TENM2: variants seen among roughly 807,000 people sequenced by gnomAD.
TENM2 encodes teneurin-2.
In TENM2, 52 loss-of-function variants were observed where a neutral mutation model predicts 245.2. The ratio of observed to expected loss-of-function variants is 0.21; its 90% CI spans 0.17 to 0.27. The LOEUF (loss-of-function observed/expected upper bound fraction) is 0.27. TENM2 is among the 10% of genes least tolerant of loss of function. The pLI, the probability that TENM2 is intolerant of heterozygous loss-of-function variation, is 1.00. For synonymous variants in TENM2, 1,363 were observed against 1,438.9 expected (o/e 0.95, Z 1.19); for missense variants, 3,046 against 3,666.8 (o/e 0.83, Z 4.37).
At chr5:167,417,871 G>C (rs925117080) in intron 2 of TENM2, among the ~76,000 whole-genome samples, 1 of 152,110 alleles carries the variant, frequency 6.6e-6, no homozygotes, top group African/African-American at 2.4e-5. Flanking sequence ...TCATCTTTTT[G>C]ATAATTTGTG....
chr5:167,657,869 G>A (rs1013374050), intron 2 of TENM2, among the ~76,000 whole-genome samples: 2 of 152,186 alleles, frequency 1.3e-5, no homozygotes, highest in African/African-American at 2.4e-5. Flanking sequence ...ATCTAGCAGA[G>A]CATGGAGCCA....
the TENM2 span, among the ~76,000 whole-genome samples, chr5:167,080,592 G>A: frequency 1.3e-5 from 2 of 152,088 alleles, no homozygotes; most frequent in Admixed American, 1.3e-4. Flanking sequence ...ATTCTCGTGG[G>A]AAGCCTTTCC....
At chr5:167,967,232 CTGGTTAGG>C (rs1443196286) in intron 4 of TENM2, 2 of 151,934 alleles carry the variant, frequency 1.3e-5, no homozygotes, top group African/African-American at 2.4e-5. Flanking sequence ...AGAGAAAAAG[CTGGTTAGG>C]AGGGGCACCT....
chr5:168,099,464 A>G (rs1265741793), intron 9 of TENM2, among the ~76,000 whole-genome samples: 4 of 152,220 alleles, frequency 2.6e-5, no homozygotes, highest in Non-Finnish European at 5.9e-5. Context: ...ATAGTGTAAG[A>G]TAACACACAC....
chr5:167,351,039 GATAT>G (rs554410960), intron 1 of TENM2, among the ~76,000 whole-genome samples: 1 of 26,310 alleles, frequency 3.8e-5, no homozygotes, highest in African/African-American at 9.7e-5. Flanking sequence ...TATACATATG[GATAT>G]ATATATATGG....
intron 1 of TENM2, among the ~76,000 whole-genome samples, chr5:167,297,827 T>TG (rs1427768124): frequency 1.3e-5 from 2 of 150,394 alleles, no homozygotes; most frequent in Admixed American, 6.6e-5. Context: ...TGGGCTGGAG[T>TG]GGGGGTCACA....
the TENM2 span, among the ~76,000 whole-genome samples, chr5:167,055,576 A>G: frequency 1.3e-5 from 2 of 152,052 alleles, no homozygotes; most frequent in South Asian, 2.1e-4. Flanking sequence ...TTCTTCTTTG[A>G]TATCTTTCAT....
rs70976412 is a variant in TENM2 at position 167,328,204 on chromosome 5, GTTTTTTTTTT to G, written c.226+43155_226+43164del. Among the ~76,000 whole-genome samples the G allele has an allele frequency of 9.9e-5, 9 of 91,028 alleles. No individual in the cohort carries two copies. In the East Asian group the frequency reaches 2.8e-3, roughly 28 times the overall value. The allele number at this position is 91,028 out of a possible 152,430, so 59.7% of individuals were successfully genotyped here. A position where few individuals can be genotyped will look rare whatever the true frequency, so the allele number is the denominator to read the frequency against. The stretch of plus-strand genomic sequence containing the variant: ...CAACAGTTCGATAGTTTCTCATATC[GTTTTTTTTTT>G]TTTTTTTTTTTTTGATGGATTTTTG... On this transcript the variant is annotated intron_variant, in intron 1 of 28. Transcript: ENST00000518659.
intron 2 of TENM2, among the ~76,000 whole-genome samples, chr5:167,848,131 T>C (rs1770220315): frequency 1.3e-5 from 2 of 152,284 alleles, no homozygotes; most frequent in Admixed American, 6.5e-5. Context: ...ATTAGGAACA[T>C]GTAGAGAAAT....
chr5:167,383,967 G>A (rs1357207415), intron 2 of TENM2, among the ~76,000 whole-genome samples: 1 of 152,012 alleles, frequency 6.6e-6, no homozygotes, highest in Non-Finnish European at 1.5e-5. Flanking sequence ...TATTTCCCAG[G>A]TCTAATTAAG....
chr5:167,785,625 A>G (rs982044416), intron 2 of TENM2, among the ~76,000 whole-genome samples: 2 of 152,244 alleles, frequency 1.3e-5, no homozygotes, highest in African/African-American at 4.8e-5. Context: ...CATAGGGTCC[A>G]GATGGTAGTT....
the TENM2 span, among the ~76,000 whole-genome samples, chr5:167,021,968 A>G: frequency 6.6e-6 from 1 of 152,186 alleles, no homozygotes; most frequent in Admixed American, 6.5e-5. Context: ...CCCATTGTAT[A>G]TATTAATGTA....
intron 2 of TENM2, among the ~76,000 whole-genome samples, chr5:167,539,509 G>C (rs977971642): frequency 2.9e-4 from 44 of 152,038 alleles, no homozygotes; most frequent in African/African-American, 9.4e-4. Context: ...TTTCCATTCT[G>C]TTAAGTTTTC....
At chr5:167,378,472 G>C (rs1428714028) in intron 2 of TENM2, among the ~76,000 whole-genome samples, 1 of 150,198 alleles carries the variant, frequency 6.7e-6, no homozygotes, top group Non-Finnish European at 1.5e-5. Flanking sequence ...GGCTTGGATT[G>C]GGTTGCTTCA....
chr5:167,907,051 G>C (rs1436582432), intron 3 of TENM2, among the ~76,000 whole-genome samples: 1 of 151,996 alleles, frequency 6.6e-6, no homozygotes, highest in African/African-American at 2.4e-5. Context: ...TGACCAACAT[G>C]AAGAAACCCC....
chr5:167,151,448 C>T, the TENM2 span, among the ~76,000 whole-genome samples: 15 of 152,294 alleles, frequency 9.8e-5, no homozygotes, highest in Admixed American at 6.5e-4. Context: ...CTAATGACTA[C>T]GTTACAACTA....
the TENM2 span, among the ~76,000 whole-genome samples, chr5:167,030,335 G>A: frequency 2.0e-5 from 3 of 152,132 alleles, no homozygotes; most frequent in African/African-American, 7.2e-5. Context: ...CCAAATTTCT[G>A]AGTTTGAAAT....
intron 9 of TENM2, among the ~76,000 whole-genome samples, chr5:168,117,970 G>A (rs1173137675): frequency 6.6e-6 from 1 of 152,166 alleles, no homozygotes; most frequent in Non-Finnish European, 1.5e-5. Context: ...CCCTGTCTGA[G>A]CCTCACCTGC....
intron 2 of TENM2, among the ~76,000 whole-genome samples, chr5:167,714,045 C>T (rs925030544): frequency 1.3e-5 from 2 of 152,164 alleles, no homozygotes; most frequent in African/African-American, 2.4e-5. Flanking sequence ...AAGCTTAACC[C>T]TAAAGAAGTG....
Sources: gnomAD v4.1 joint callset for allele counts (sites outside exome capture counted in the v4.1 genomes callset) on GRCh38, gnomAD v4.1.1 for gene constraint, MANE v1.5 for transcripts, NCBI Gene and HGNC (gene_info 2026-07-23, HGNC 2026-07-21) for gene names.